Variants in C12orf50 observed in about 807,000 individuals in gnomAD.
C12orf50 encodes the protein uncharacterized protein C12orf50.
A neutral mutation model predicts 61.6 loss-of-function variants in C12orf50; 35 were observed. The observed-to-expected ratio is 0.57, with a 90% CI of 0.43 to 0.75. The LOEUF is 0.75. Among genes scored for constraint, C12orf50 ranks in the 30% least tolerant of loss-of-function variants. The pLI is 0.00. For synonymous variants in C12orf50, 178 were observed against 161.5 expected (o/e 1.10, Z -0.77); for missense variants, 475 against 488.5 (o/e 0.97, Z 0.26).
At chr12:88,030,023 A>C (rs1365636416), upstream of C12orf50, among the ~76,000 whole-genome samples, 5 of 152,222 alleles carry the variant, frequency 3.3e-5, no homozygotes, top group Non-Finnish European at 7.3e-5. Context: ...TTCAATCAGC[A>C]GTTATTTATA....
chr12:88,003,332 C>T (rs1180024395), intron 3 of C12orf50, among the ~76,000 whole-genome samples: 2 of 151,734 alleles, frequency 1.3e-5, no homozygotes, highest in Admixed American at 6.6e-5. Context: ...ATTTTAAAAT[C>T]AGATTATAGA....
chr12:87,991,650 A>G (rs908316634), intron 7 of C12orf50, among the ~76,000 whole-genome samples: 2 of 152,160 alleles, frequency 1.3e-5, no homozygotes, highest in African/African-American at 2.4e-5. Context: ...AGGTGCTAAC[A>G]TTATGAGTCA....
chr12:88,003,305 A>G (rs994394357), intron 3 of C12orf50, among the ~76,000 whole-genome samples: 1 of 151,944 alleles, frequency 6.6e-6, no homozygotes, highest in Admixed American at 6.6e-5. Flanking sequence ...AAAAAATTGT[A>G]TGTATTGTTT....
intron 3 of C12orf50, among the ~76,000 whole-genome samples, chr12:88,016,427 G>T (rs921841583): frequency 6.6e-6 from 1 of 152,194 alleles, no homozygotes; most frequent in African/African-American, 2.4e-5. Flanking sequence ...TTGGTAGATA[G>T]AAGTTCCTGG....
chr12:88,028,900 G>A (rs1439460932), intron 1 of C12orf50, among the ~76,000 whole-genome samples: 1 of 152,012 alleles, frequency 6.6e-6, no homozygotes, highest in Non-Finnish European at 1.5e-5. Context: ...GAGAAATTCA[G>A]TATGTCAAAA....
chr12:88,026,348 T>A (rs1394277688), intron 3 of C12orf50, 140 bp downstream of exon 3: 3 of 929,482 alleles, frequency 3.2e-6, no homozygotes, highest in Non-Finnish European at 3.1e-6. Context: ...TTGTCTCATG[T>A]AGAATCATTC....
In C12orf50 at chr12:87,980,371, C is replaced by T. The variant is rs376516458; in HGVS notation, c.1220-15G>A. 1.3e-6 allele frequency: 2 copies of T among 1,594,640 alleles called. No individual in the cohort carries two copies. Among genetic ancestry groups the T allele is most frequent in the South Asian group, 1.1e-5 (1 of 90,032 alleles). On this transcript the variant is annotated splice_polypyrimidine_tract_variant and intron_variant, in intron 12 of 12. Coordinates refer to ENST00000298699, the MANE Select transcript of C12orf50 (RefSeq NM_152589.3). ...TCTTCTTGGCTCTAATAATAAAATA[C>T]ACAAAATATTTCAATTATTTTCTTG...
Position 88,001,292 on chromosome 12 carries a change from ATATTAT to A in C12orf50, c.134-3108_134-3103del, listed in dbSNP as rs111556053. 1.3e-4 allele frequency among the ~76,000 whole-genome samples: 19 copies of A among 149,682 alleles called. No individual in the cohort carries two copies. The South Asian group carries it at 1.7e-3, about 13-fold the overall frequency. ...TGCTCTTTATTATATTATTGTGGGT[ATATTAT>A]TATTATTATTATTATTACAGAAATT... On this transcript the variant is annotated intron_variant, in intron 3 of 12. Coordinates refer to ENST00000298699, the MANE Select transcript of C12orf50 (RefSeq NM_152589.3).
At chr12:88,013,550 AGT>A (rs2032192771) in intron 3 of C12orf50, among the ~76,000 whole-genome samples, 1 of 152,222 alleles carries the variant, frequency 6.6e-6, no homozygotes, top group Non-Finnish European at 1.5e-5. Context: ...TTAGCAATGA[AGT>A]GTGAGGATAT....
chr12:87,981,391 G>T (rs2030461521), intron 12 of C12orf50, among the ~76,000 whole-genome samples: 1 of 152,050 alleles, frequency 6.6e-6, no homozygotes, highest in Non-Finnish European at 1.5e-5. Context: ...CCAGTCTAAG[G>T]TTTCTTGAAA....
chr12:88,026,061 C>T (rs1048154537), intron 3 of C12orf50, among the ~76,000 whole-genome samples: 4 of 152,134 alleles, frequency 2.6e-5, no homozygotes, highest in African/African-American at 9.7e-5. Flanking sequence ...CTGCTAGAAA[C>T]AGAAGTGTGT....
At position 87,986,378 on chromosome 12, in the gene C12orf50, C is replaced by A. The variant is rs775620385; in HGVS notation, c.856G>T (p.Gly286Cys). ...TAAATCCATTTTCTTTTCTTCACAC[C>A]TTTAAAATGAGGCTTCTTCACTGGC... ...VQPVKKPHFK[G>C]VKKRKWIYDE... Residue 286 changes from glycine (G) to cysteine (C), a missense_variant, in exon 10 of 13, where the codon GGT becomes TGT. Coordinates refer to ENST00000298699, the MANE Select transcript of C12orf50 (RefSeq NM_152589.3). 1.2e-6 allele frequency: 2 copies of A among 1,610,814 alleles called. No homozygotes were observed. Among genetic ancestry groups the A allele is most frequent in the South Asian group, 2.2e-5 (2 of 90,522 alleles).
intron 3 of C12orf50, among the ~76,000 whole-genome samples, chr12:88,006,167 C>T (rs1020747048): frequency 6.6e-6 from 1 of 152,022 alleles, no homozygotes; most frequent in Admixed American, 6.6e-5. Context: ...CCGCCCACAT[C>T]GGCCTCCCAA....
At chr12:88,018,152 C>T (rs898120867) in intron 3 of C12orf50, among the ~76,000 whole-genome samples, 1 of 152,198 alleles carries the variant, frequency 6.6e-6, no homozygotes, top group African/African-American at 2.4e-5. Flanking sequence ...GCCCAGAGAC[C>T]TAGGAGGACA....
chr12:88,015,576 C>A (rs2032281403), intron 3 of C12orf50, among the ~76,000 whole-genome samples: 1 of 152,124 alleles, frequency 6.6e-6, no homozygotes, highest in African/African-American at 2.4e-5. Context: ...AATATAAGAA[C>A]TTTTTTAAAA....
rs2031396126 is a variant in C12orf50 at position 87,996,426 on chromosome 12, T to C, written c.429A>G (p.Thr143=). The C allele has an allele frequency of 6.2e-7, 1 of 1,613,444 alleles. No individual in the cohort carries two copies. Among genetic ancestry groups the C allele is most frequent in the South Asian group, 1.1e-5 (1 of 91,074 alleles). ...AAGGCTTTTCTAACTGTTTTTCTGC[T>C]GTAGGTGTCATGCTTTTTGATGACA... ...DILSSKSMTP[T]AEKQLEKPLE... The change falls in exon 6 of 13, where the codon ACA becomes ACG. Residue 143 remains threonine, a synonymous_variant. Transcript: ENST00000298699.
At chr12:88,001,796 C>T (rs1325342470) in intron 3 of C12orf50, among the ~76,000 whole-genome samples, 1 of 151,032 alleles carries the variant, frequency 6.6e-6, no homozygotes, top group Admixed American at 6.6e-5. Context: ...CCACATTATT[C>T]CCTTTTAATT....
intron 3 of C12orf50, among the ~76,000 whole-genome samples, chr12:88,012,743 A>G (rs2032158595): frequency 6.6e-6 from 1 of 152,174 alleles, no homozygotes; most frequent in Non-Finnish European, 1.5e-5. Flanking sequence ...TATCCTACAA[A>G]GCAACTAACC....
At chr12:87,996,897 A>G (rs1169255761) in intron 4 of C12orf50, among the ~76,000 whole-genome samples, 2 of 152,192 alleles carry the variant, frequency 1.3e-5, no homozygotes, top group African/African-American at 2.4e-5. Context: ...TACAGACTCA[A>G]TGTTGAGATG....
Sources: gnomAD v4.1 joint callset for allele counts (sites outside exome capture counted in the v4.1 genomes callset) on GRCh38, gnomAD v4.1.1 for gene constraint, MANE v1.5 for transcripts, NCBI Gene and HGNC (gene_info 2026-07-23, HGNC 2026-07-21) for gene names.